NR1H3: variants seen among roughly 807,000 people sequenced by gnomAD.
The protein encoded by NR1H3 is oxysterols receptor LXR-alpha.
NR1H3 carries 19 observed loss-of-function variants against 48.1 expected under a neutral mutation model. That is an observed-to-expected ratio of 0.40 (90% CI 0.28 to 0.58). The LOEUF is 0.58. Ranked by LOEUF, NR1H3 falls within the 20% of genes least tolerant of loss-of-function variation. NR1H3 has a pLI of 0.50. For synonymous variants in NR1H3, 232 were observed against 227.3 expected (o/e 1.02, Z -0.19); for missense variants, 486 against 595.9 (o/e 0.82, Z 1.92).
intron 1 of NR1H3, 115 bp from the exon 2 acceptor site, chr11:47,259,065 G>A: frequency 6.5e-7 from 1 of 1,543,268 alleles, no homozygotes; most frequent in Admixed American, 1.9e-5. Context: ...TATATGGCAA[G>A]TAAATGTTAG....
chr11:47,262,333 C>T (rs181443960), intron 7 of NR1H3, among the ~76,000 whole-genome samples: 5,076 of 148,762 alleles, frequency 0.034, 122 homozygotes, highest in South Asian at 0.13. Flanking sequence ...GAGCCAAGAT[C>T]GCACCACTGC....
At chr11:47,267,050 T>G (rs1156745028) in intron 7 of NR1H3, among the ~76,000 whole-genome samples, 2 of 152,160 alleles carry the variant, frequency 1.3e-5, no homozygotes, top group East Asian at 3.9e-4. Context: ...CTGGTGCCTG[T>G]AATCCCAGCA....
chr11:47,261,093 A>T (rs1424637909), intron 4 of NR1H3, 148 bp from the exon 5 acceptor site: 1 of 643,182 alleles, frequency 1.6e-6, no homozygotes, highest in Non-Finnish European at 2.7e-6. Context: ...AAAAAAAAAA[A>T]ATCTTCTTGC....
intron 7 of NR1H3, among the ~76,000 whole-genome samples, chr11:47,263,728 G>T (rs1484758999): frequency 6.7e-6 from 1 of 150,152 alleles, no homozygotes; most frequent in East Asian, 2.0e-4. Flanking sequence ...TCAGCCTCCT[G>T]AGTAGCTGGG....
chr11:47,261,451 T>C lies in NR1H3; in HGVS notation c.708+2T>C. 1.2e-6 allele frequency: 2 copies of C among 1,613,894 alleles called. No individual in the cohort carries two copies. Among genetic ancestry groups the C allele is most frequent in the Non-Finnish European group, 1.7e-6 (2 of 1,179,830 alleles). On this transcript the variant is annotated splice_donor_variant, in intron 5 of 9. Coordinates refer to ENST00000441012, the MANE Select transcript of NR1H3 (RefSeq NM_005693.4). LOFTEE classifies it high-confidence loss of function. ...TTTTCTGACCGGCTTCGAGTCACGGTACTTGACACACCTGGGGAGAGGCGG... is the reference window on the plus strand; with the variant it reads ...TTTTCTGACCGGCTTCGAGTCACGGCACTTGACACACCTGGGGAGAGGCGG...
rs761781443 is a variant in NR1H3 at position 47,259,953 on chromosome 11, G to C, written c.206G>C (p.Arg69Thr). Residue 69 changes from arginine (R) to threonine (T), a missense_variant, in exon 3 of 10, where the codon AGG becomes ACG. Arg to Thr is a moderately conservative substitution (Grantham distance 71). Transcript: ENST00000441012. ...GCAGAGCCCACAGCCCTGCTCACCAGGGCAGAGCCCCCTTCAGAACCCACA... is the reference window on the plus strand; with the variant it reads ...GCAGAGCCCACAGCCCTGCTCACCACGGCAGAGCCCCCTTCAGAACCCACA... ...EAAEPTALLTRAEPPSEPTEI... is the reference protein window; with the variant it reads ...EAAEPTALLTTAEPPSEPTEI... 6.4e-7 allele frequency: 1 copy of C among 1,561,816 alleles called. No individual in the cohort carries two copies. Among genetic ancestry groups the C allele is most frequent in the African/African-American group, 1.4e-5 (1 of 73,092 alleles).
intron 1 of NR1H3, among the ~76,000 whole-genome samples, chr11:47,252,089 G>A (rs1436202479): frequency 6.6e-6 from 1 of 150,548 alleles, no homozygotes; most frequent in Non-Finnish European, 1.5e-5. Context: ...AACACATGTA[G>A]ATAGATGGAT....
chr11:47,268,523 CTG>C (rs1165656817), intron 9 of NR1H3, 25 bp from the exon 10 acceptor site: 1 of 1,613,892 alleles, frequency 6.2e-7, no homozygotes, highest in African/African-American at 1.3e-5. Flanking sequence ...CAGGCAAAAG[CTG>C]TGTTTGTCTC....
chr11:47,265,857 C>T lies in NR1H3; in HGVS notation c.989-2056C>T, dbSNP rs185685637. Among the ~76,000 whole-genome samples the T allele has an allele frequency of 8.5e-5, 13 of 152,284 alleles. 2 individuals carry two copies. The highest frequency in any genetic ancestry group is 3.1e-4 in the African/African-American group (13 of 41,558). ...ACTGCACTCTAGTCTGGCAACAGAG[C>T]AAGACTCTTTGTCTCAAAAAAAATT... On this transcript the variant is annotated intron_variant, in intron 7 of 9. Coordinates refer to ENST00000441012, the MANE Select transcript of NR1H3 (RefSeq NM_005693.4).
At chr11:47,268,114 G>A (rs751753338) in intron 8 of NR1H3, 88 bp downstream of exon 8, 6 of 1,195,060 alleles carry the variant, frequency 5.0e-6, no homozygotes, top group East Asian at 2.4e-5. Flanking sequence ...GGAGGGGGGT[G>A]GTGGCTTGGG....
At chr11:47,265,259 C>T (rs1956345321) in intron 7 of NR1H3, among the ~76,000 whole-genome samples, 1 of 152,024 alleles carries the variant, frequency 6.6e-6, no homozygotes, top group Non-Finnish European at 1.5e-5. Context: ...CGCCACTGCA[C>T]TCCAGCCTGG....
intron 1 of NR1H3, among the ~76,000 whole-genome samples, chr11:47,251,050 T>G (rs1381388822): frequency 2.0e-5 from 3 of 151,826 alleles, no homozygotes; most frequent in Admixed American, 6.6e-5. Flanking sequence ...TCCCAGCTAC[T>G]CAGGAGGCTG....
upstream of NR1H3, among the ~76,000 whole-genome samples, chr11:47,253,529 T>A (rs1295429388): frequency 6.6e-6 from 1 of 152,184 alleles, no homozygotes; most frequent in Non-Finnish European, 1.5e-5. Flanking sequence ...TGCAAGATGA[T>A]CCCTGCACTT....
intron 1 of NR1H3, 71 bp from the exon 2 acceptor site, chr11:47,259,109 A>G (rs1955536240): frequency 1.3e-6 from 2 of 1,596,542 alleles, no homozygotes; most frequent in Non-Finnish European, 1.7e-6. Flanking sequence ...AGGGAGGATC[A>G]GGTGGAGAAG....
intron 4 of NR1H3, 60 bp downstream of exon 4, chr11:47,260,735 AC>A (rs1955753041): frequency 1.3e-6 from 2 of 1,517,000 alleles, no homozygotes; most frequent in East Asian, 2.4e-5. Flanking sequence ...CCAGGGTGTG[AC>A]CCAAAACAGG....
chr11:47,255,539 CTTTT>C (rs58304713), upstream of NR1H3, among the ~76,000 whole-genome samples: 266 of 110,584 alleles, frequency 2.4e-3, no homozygotes, highest in Middle Eastern at 5.0e-3. Context: ...TTCTTTCTTT[CTTTT>C]TCTTTCTTTC....
upstream of NR1H3, chr11:47,257,660 G>A (rs138153600): frequency 1.1e-4 from 106 of 985,646 alleles, no homozygotes; most frequent in African/African-American, 1.6e-3. Flanking sequence ...GAGGGAACAC[G>A]ATTCTGGAGG....
chr11:47,264,863 G>A (rs12574081), intron 7 of NR1H3, among the ~76,000 whole-genome samples: 23,926 of 152,142 alleles, frequency 0.16, 3,107 homozygotes, highest in East Asian at 0.65. Context: ...GAGCACATTT[G>A]AGGTGTTCAT....
intron 1 of NR1H3, chr11:47,249,097 C>A (rs896406186): frequency 7.5e-6 from 9 of 1,192,434 alleles, no homozygotes; most frequent in Admixed American, 2.8e-5. Context: ...AATCCCTTAC[C>A]AAGGTGGCAC....
Sources: gnomAD v4.1 joint callset for allele counts (sites outside exome capture counted in the v4.1 genomes callset) on GRCh38, gnomAD v4.1.1 for gene constraint, MANE v1.5 for transcripts, NCBI Gene and HGNC (gene_info 2026-07-23, HGNC 2026-07-21) for gene names.